The following CACNG7 variants were observed in gnomAD, a reference collection of about 807,000 sequenced individuals.
The protein encoded by CACNG7 is voltage-dependent calcium channel gamma-7 subunit.
Under a neutral mutation model 26.3 loss-of-function variants are expected in CACNG7, and 9 were observed. The observed-to-expected ratio is 0.34, with a 90% CI of 0.21 to 0.60. The LOEUF (loss-of-function observed/expected upper bound fraction) is 0.60, where lower values mean the gene tolerates loss of function less well. Among genes scored for constraint, CACNG7 ranks in the 20% least tolerant of loss-of-function variants. The pLI, the probability that CACNG7 is intolerant of heterozygous loss-of-function variation, is 0.81. For missense variants in CACNG7, 297 were observed against 380.4 expected (o/e 0.78, Z 1.82); for synonymous variants, 170 against 157.0 (o/e 1.08, Z -0.62).
At chr19:53,911,040 T>TTGGTGGTGGTGG (rs148889389) in intron 1 of CACNG7, among the ~76,000 whole-genome samples, 1 of 150,210 alleles carries the variant, frequency 6.7e-6, no homozygotes, top group African/African-American at 2.5e-5. Flanking sequence ...GGATGCTGGA[T>TTGGTGGTGGTGG]TGGTGGTGGT....
Position 53,942,196 on chromosome 19 carries a change from CCGA to C in CACNG7, c.733_735del (p.Asp245del). The C allele has an allele frequency of 6.2e-7, 1 of 1,614,056 alleles. No individual in the cohort carries two copies. The highest frequency in any genetic ancestry group is 8.5e-7 in the Non-Finnish European group (1 of 1,179,960). ...GCGTGGCGCCGCGGCCGGAGCCCCT[CCGA>C]CATCTCCAGCGACGTGTCCATCCAA... On this transcript the variant is annotated inframe_deletion, in exon 6 of 6. Transcript: ENST00000391767. This position sits in a 1 kb window ranked among gnomAD's most constrained non-coding sequence, Gnocchi z 5.9.
chr19:53,925,181 T>A (rs529723575), intron 4 of CACNG7, among the ~76,000 whole-genome samples: 1 of 126,750 alleles, frequency 7.9e-6, no homozygotes, highest in African/African-American at 3.7e-5. Context: ...ATTGGTGAAG[T>A]TGCCCCAGGT....
At chr19:53,920,080 G>T (rs865803999) in intron 4 of CACNG7, among the ~76,000 whole-genome samples, 2 of 103,286 alleles carry the variant, frequency 1.9e-5, no homozygotes, top group Non-Finnish European at 3.6e-5. Flanking sequence ...CATTGGTGGA[G>T]TTGCCCCAGG....
intron 4 of CACNG7, among the ~76,000 whole-genome samples, chr19:53,917,971 C>T (rs1326904245): frequency 6.6e-6 from 1 of 152,182 alleles, no homozygotes; most frequent in African/African-American, 2.4e-5. Flanking sequence ...GGCTGGAAGT[C>T]ACGTCTCTAG....
intron 4 of CACNG7, 54 bp from the exon 5 acceptor site, chr19:53,941,416 C>T (rs902263587): frequency 6.8e-7 from 1 of 1,476,272 alleles, no homozygotes; most frequent in African/African-American, 1.5e-5. Flanking sequence ...GGGGCTGGGG[C>T]TGGGAAAAGG....
intron 4 of CACNG7, among the ~76,000 whole-genome samples, chr19:53,919,746 G>A (rs1436668456): frequency 7.3e-6 from 1 of 136,244 alleles, no homozygotes; most frequent in African/African-American, 3.0e-5. Context: ...GAGTTGCCCA[G>A]GTCTGGTATT....
intron 4 of CACNG7, among the ~76,000 whole-genome samples, chr19:53,931,952 G>A (rs1356613414): frequency 1.3e-5 from 2 of 151,118 alleles, no homozygotes; most frequent in Non-Finnish European, 2.9e-5. Flanking sequence ...TAGTAGAGAT[G>A]GAGTTTCACC....
In CACNG7 at chr19:53,941,539, G is replaced by A. The variant is rs2069137358; in HGVS notation, c.494G>A (p.Ser165Asn). 1 of 1,606,080 alleles carries A rather than the reference G, an allele frequency of 6.2e-7. No individual in the cohort carries two copies. Among genetic ancestry groups the A allele is most frequent in the East Asian group, 2.2e-5 (1 of 44,536 alleles). The change falls in exon 5 of 6, where the codon AGC becomes AAC. Residue 165 changes from serine to asparagine, a missense_variant. Physicochemically the swap from Ser to Asn is conservative, Grantham distance 46. Transcript: ENST00000391767. ...SINDEVMNRP[S>N]SSEQYFHYRY... ...AACGACGAGGTCATGAACAGGCCCA[G>A]CAGCTCTGAGCAGTATTTTCATTAT...
At chr19:53,924,880 A>G (rs1568777997) in intron 4 of CACNG7, among the ~76,000 whole-genome samples, 1 of 134,532 alleles carries the variant, frequency 7.4e-6, no homozygotes, top group African/African-American at 2.8e-5. Context: ...CAGGCTGGTC[A>G]TTGGTGTACT....
At chr19:53,914,963 C>G (rs531301055) in intron 3 of CACNG7, among the ~76,000 whole-genome samples, 1 of 150,578 alleles carries the variant, frequency 6.6e-6, no homozygotes, top group African/African-American at 2.5e-5. Flanking sequence ...GATTTCACCA[C>G]TGCACTCCAG....
chr19:53,916,259 C>T (rs1293316355), intron 4 of CACNG7, among the ~76,000 whole-genome samples: 1 of 152,090 alleles, frequency 6.6e-6, no homozygotes, highest in Admixed American at 6.6e-5. Context: ...GAGGCACAAG[C>T]CTCTTTTGCA....
chr19:53,912,567 A>G lies in CACNG7; in HGVS notation c.-29-236A>G, dbSNP rs1348912855. ...TCTGGGGTTGGGGATCTGGATCTGGAGCTAGACCACAGGCAGCAGGTTTGG... is the reference window on the plus strand; with the variant it reads ...TCTGGGGTTGGGGATCTGGATCTGGGGCTAGACCACAGGCAGCAGGTTTGG... On this transcript the variant is annotated intron_variant, in intron 1 of 5. Coordinates refer to ENST00000391767, the MANE Select transcript of CACNG7 (RefSeq NM_031896.5). The surrounding 1 kb of genome is among the most constrained non-coding windows in gnomAD (Gnocchi z 4.6). Among the ~76,000 whole-genome samples the G allele has an allele frequency of 6.6e-6, 1 of 152,132 alleles. No individual in the cohort carries two copies. The highest frequency in any genetic ancestry group is 2.4e-5 in the African/African-American group (1 of 41,420).
Position 53,922,255 on chromosome 19 carries a change from T to TCCCCAGGTCTGGTCATTGGTGCAGTTG in CACNG7, c.424+6764_424+6790dup, listed in dbSNP as rs2068965600. On this transcript the variant is annotated intron_variant, in intron 4 of 5. Coordinates refer to ENST00000391767, the MANE Select transcript of CACNG7 (RefSeq NM_031896.5). Reference sequence around the variant, plus strand: ...CCAGGTCTGGTCATTGGTGGAGTTGTCCCCAGGTCTGGTCATTGGTGCAGT... The same window carrying TCCCCAGGTCTGGTCATTGGTGCAGTTG: ...CCAGGTCTGGTCATTGGTGGAGTTGTCCCCAGGTCTGGTCATTGGTGCAGTTGCCCCAGGTCTGGTCATTGGTGCAGT... Among the ~76,000 whole-genome samples, 13 of 54,748 alleles carry TCCCCAGGTCTGGTCATTGGTGCAGTTG rather than the reference T, an allele frequency of 2.4e-4. 1 individual carries two copies. The highest frequency in any genetic ancestry group is 3.7e-4 in the Non-Finnish European group (11 of 29,802). 35.9% of individuals were successfully genotyped at this position (54,748 alleles called of 152,430 possible).
At position 53,942,551 on chromosome 19, in the gene CACNG7, C is replaced by T. The variant is rs79548883; in HGVS notation, c.*258C>T. On this transcript the variant is annotated 3_prime_UTR_variant, in exon 6 of 6. Transcript: ENST00000391767. This position sits in a 1 kb window ranked among gnomAD's most constrained non-coding sequence, Gnocchi z 5.9. Reference sequence around the variant, plus strand: ...ATGACTCCTCCCCTTCGTTGGCCCGCCCCTTTCCTCTGGCCCCTCCTCTCC... The same window carrying T: ...ATGACTCCTCCCCTTCGTTGGCCCGTCCCTTTCCTCTGGCCCCTCCTCTCC... 1,665 of 1,382,660 alleles carry T rather than the reference C, an allele frequency of 1.2e-3. 19 individuals are homozygous for T. The African/African-American group carries it at 0.022, about 18-fold the overall frequency. 85.6% of individuals were successfully genotyped at this position (1,382,660 alleles called of 1,614,324 possible). A position where few individuals can be genotyped will look rare whatever the true frequency, so the allele number is the denominator to read the frequency against.
chr19:53,915,316 C>T (rs2068888966), intron 3 of CACNG7, 49 bp from the exon 4 acceptor site: 1 of 1,404,726 alleles, frequency 7.1e-7, no homozygotes, highest in Non-Finnish European at 1.0e-6. Flanking sequence ...GGGAAGTGTC[C>T]CACTGGAGAT....
intron 4 of CACNG7, among the ~76,000 whole-genome samples, chr19:53,926,456 C>G (rs2145911986): frequency 6.6e-6 from 1 of 152,254 alleles, no homozygotes; most frequent in South Asian, 2.1e-4. Context: ...TCAGAAGCCT[C>G]AAACTTTTTC....
chr19:53,942,298 C>G lies in CACNG7; in HGVS notation c.*5C>G, dbSNP rs1295979940. On this transcript the variant is annotated 3_prime_UTR_variant, in exon 6 of 6. Coordinates refer to ENST00000391767, the MANE Select transcript of CACNG7 (RefSeq NM_031896.5). This position sits in a 1 kb window ranked among gnomAD's most constrained non-coding sequence, Gnocchi z 5.9. Reference sequence around the variant, plus strand: ...ATCTCCACCTCGCCCTGCTGAGGCCCGCCCCTCGGAGCTCCCCCTGCCTCC... The same window carrying G: ...ATCTCCACCTCGCCCTGCTGAGGCCGGCCCCTCGGAGCTCCCCCTGCCTCC... 3.7e-6 allele frequency: 6 copies of G among 1,604,070 alleles called. No individual in the cohort carries two copies. The highest frequency in any genetic ancestry group is 5.1e-6 in the Non-Finnish European group (6 of 1,175,416).
At chr19:53,917,706 G>A (rs1267965758) in intron 4 of CACNG7, among the ~76,000 whole-genome samples, 2 of 152,190 alleles carry the variant, frequency 1.3e-5, no homozygotes, top group East Asian at 3.8e-4. Flanking sequence ...AAAAATAGTA[G>A]CCTAGAGACA....
chr19:53,925,050 GC>G (rs1423118326), intron 4 of CACNG7, among the ~76,000 whole-genome samples: 100 of 99,494 alleles, frequency 1.0e-3, no homozygotes, highest in Middle Eastern at 6.7e-3. Context: ...TGGTGGACTT[GC>G]CCCAGGTCTG....
Sources: gnomAD v4.1 joint callset for allele counts (sites outside exome capture counted in the v4.1 genomes callset) on GRCh38, gnomAD v4.1.1 for gene constraint, Gnocchi (gnomAD v3.1) non-coding constraint, MANE v1.5 for transcripts, NCBI Gene and HGNC (gene_info 2026-07-23, HGNC 2026-07-21) for gene names.